Variants in MAPKAPK5 observed in about 807,000 individuals in gnomAD.
The protein encoded by MAPKAPK5 is MAP kinase-activated protein kinase 5.
A neutral mutation model predicts 65.1 loss-of-function variants in MAPKAPK5; 30 were observed. The ratio of observed to expected loss-of-function variants is 0.46; its 90% confidence interval spans 0.34 to 0.63. The LOEUF is 0.63. MAPKAPK5 is among the 20% of genes least tolerant of loss of function. The probability of loss-of-function intolerance (pLI) is 0.01; values close to 1 mark genes in which losing one functional copy is unlikely to be tolerated. For synonymous variants in MAPKAPK5, 179 were observed against 204.6 expected (o/e 0.87, Z 1.07); for missense variants, 433 against 581.4 (o/e 0.74, Z 2.63).
Position 111,888,598 on chromosome 12 carries a change from G to A in MAPKAPK5, c.1080G>A (p.Leu360=), listed in dbSNP as rs2070492787. The A allele has an allele frequency of 1.2e-6, 2 of 1,613,308 alleles. No individual in the cohort carries two copies. The highest frequency in any genetic ancestry group is 1.3e-5 in the African/African-American group (1 of 75,012). The change falls in exon 11 of 14, where the codon CTG becomes CTA. Residue 360 remains leucine, a synonymous_variant. Transcript: ENST00000550735. ...TGCACTCAGTGAACAACCCCATTCTGCGGAAGAGGAAGTTACTTGGGTAAC... is the reference window on the plus strand; with the variant it reads ...TGCACTCAGTGAACAACCCCATTCTACGGAAGAGGAAGTTACTTGGGTAAC... ...KPLHSVNNPI[L]RKRKLLGTKP...
chr12:111,888,999 T>C lies in MAPKAPK5; in HGVS notation c.1215T>C (p.Ala405=). The C allele has an allele frequency of 6.4e-7, 1 of 1,572,144 alleles. No individual in the cohort carries two copies. Among genetic ancestry groups the C allele is most frequent in the Non-Finnish European group, 8.6e-7 (1 of 1,158,128 alleles). Residue 405 remains alanine, a splice_region_variant and synonymous_variant, in exon 12 of 14, where the codon GCT becomes GCC. Transcript: ENST00000550735. ...DVIAQCILPQ[A]GENEDEKLNE... ...TTGCTCAGTGTATTCTCCCCCAGGC[T>C]GGTAAAGGTCACACCATTTACTAAT...
intron 7 of MAPKAPK5, among the ~76,000 whole-genome samples, chr12:111,874,737 A>G (rs1016972365): frequency 6.8e-5 from 10 of 147,458 alleles, no homozygotes; most frequent in African/African-American, 2.5e-4. Context: ...TGTTGGGATT[A>G]CAGGTGTGAG....
At chr12:111,846,064 C>T (rs1252794032) in intron 1 of MAPKAPK5, among the ~76,000 whole-genome samples, 2 of 152,168 alleles carry the variant, frequency 1.3e-5, no homozygotes, top group East Asian at 3.8e-4. Context: ...TTTCTTCACT[C>T]AGAAGTACTC....
At chr12:111,864,707 T>C (rs2069547417) in intron 1 of MAPKAPK5, among the ~76,000 whole-genome samples, 2 of 152,214 alleles carry the variant, frequency 1.3e-5, no homozygotes, top group African/African-American at 2.4e-5. Context: ...AATATATCTG[T>C]ACACAAAATG....
chr12:111,873,496 ACCATGTC>A (rs2069853327), intron 7 of MAPKAPK5, among the ~76,000 whole-genome samples: 1 of 152,078 alleles, frequency 6.6e-6, no homozygotes, highest in Admixed American at 6.6e-5. Context: ...GGAGCCCGCC[ACCATGTC>A]CGGCTAATTT....
In MAPKAPK5 at chr12:111,899,042, T is replaced by C. The variant is rs1471356199; in HGVS notation, c.*5981T>C. 4.6e-5 allele frequency: 7 copies of C among 152,226 alleles called. No individual in the cohort carries two copies. The highest frequency in any genetic ancestry group is 1.7e-4 in the African/African-American group (7 of 41,438). The allele number at this position is 152,226 out of a possible 1,614,324, so 9.4% of individuals were successfully genotyped here. ...TAAGGAAGATTAAAGTTGTTGCTGT[T>C]GGAAGGAAGACATACTAAAGAAACT... is the stretch of plus-strand genomic sequence containing the variant. On this transcript the variant is annotated 3_prime_UTR_variant, in exon 14 of 14. Transcript: ENST00000550735.
intron 7 of MAPKAPK5, among the ~76,000 whole-genome samples, chr12:111,875,577 G>C (rs902021003): frequency 6.6e-6 from 1 of 151,952 alleles, no homozygotes. Flanking sequence ...GGACCGAGAG[G>C]TATCTGTTTC....
At chr12:111,876,859 C>T (rs1425391193) in intron 7 of MAPKAPK5, among the ~76,000 whole-genome samples, 1 of 151,746 alleles carries the variant, frequency 6.6e-6, no homozygotes, top group Non-Finnish European at 1.5e-5. Context: ...TTTTAGGAAG[C>T]TTCCCACTGT....
chr12:111,869,206 T>C (rs2069702907), intron 5 of MAPKAPK5, among the ~76,000 whole-genome samples: 1 of 152,190 alleles, frequency 6.6e-6, no homozygotes, highest in Admixed American at 6.6e-5. Context: ...AAAATGCTGC[T>C]GATACCACCT....
intron 1 of MAPKAPK5, among the ~76,000 whole-genome samples, chr12:111,846,876 C>A (rs940958954): frequency 2.0e-5 from 3 of 152,112 alleles, no homozygotes; most frequent in African/African-American, 4.8e-5. Context: ...TGAATCATCC[C>A]AGCATGTTCA....
At chr12:111,852,581 G>A (rs926877489) in intron 1 of MAPKAPK5, among the ~76,000 whole-genome samples, 1 of 152,182 alleles carries the variant, frequency 6.6e-6, no homozygotes, top group Non-Finnish European at 1.5e-5. Context: ...TTTTGGGGGA[G>A]TCAGAAGTTA....
chr12:111,872,247 T>C (rs759834393), intron 7 of MAPKAPK5, among the ~76,000 whole-genome samples: 12 of 152,194 alleles, frequency 7.9e-5, no homozygotes, highest in Non-Finnish European at 1.8e-4. Context: ...GTTCCAGTCA[T>C]TTCACATTTT....
intron 1 of MAPKAPK5, among the ~76,000 whole-genome samples, chr12:111,849,154 C>A (rs1211712328): frequency 6.6e-6 from 1 of 151,788 alleles, no homozygotes; most frequent in Non-Finnish European, 1.5e-5. Flanking sequence ...CAATGTTGCC[C>A]AGGCTGGTCT....
chr12:111,883,691 G>T lies in MAPKAPK5; in HGVS notation c.771G>T (p.Lys257Asn). The change falls in exon 9 of 14, where the codon AAG (lysine) becomes AAT (asparagine). Residue 257 changes from lysine to asparagine, a missense_variant. Physicochemically the swap from Lys to Asn is moderately conservative, Grantham distance 94 (BLOSUM62 0). Coordinates refer to ENST00000550735, the MANE Select transcript of MAPKAPK5 (RefSeq NM_003668.4). This position sits in a 1 kb window ranked among gnomAD's most constrained non-coding sequence, Gnocchi z 4.8. ...SRTIPKDMRR[K>N]IMTGSFEFPE... ...CTATCCCAAAGGATATGCGAAGAAA[G>T]ATCATGACAGGCAGTTTTGAGTTCC... is the stretch of plus-strand genomic sequence containing the variant. 2 of 1,614,008 alleles carry T rather than the reference G, an allele frequency of 1.2e-6. No homozygotes were observed. The highest frequency in any genetic ancestry group is 1.7e-6 in the Non-Finnish European group (2 of 1,179,884).
Position 111,883,553 on chromosome 12 carries a change from G to GA in MAPKAPK5, c.661-27dup. On this transcript the variant is annotated intron_variant, in intron 8 of 13. Transcript: ENST00000550735. This position sits in a 1 kb window ranked among gnomAD's most constrained non-coding sequence, Gnocchi z 4.8. ...TATTTGGGGGCTCTGCTTCTGCTGTGAGTGACCATTTTCTTTTTTGCTTTC... is the reference window on the plus strand; with the variant it reads ...TATTTGGGGGCTCTGCTTCTGCTGTGAAGTGACCATTTTCTTTTTTGCTTTC... The GA allele has an allele frequency of 6.2e-7, 1 of 1,605,958 alleles. No homozygotes were observed. Among genetic ancestry groups the GA allele is most frequent in the Non-Finnish European group, 8.5e-7 (1 of 1,175,158 alleles).
chr12:111,874,923 C>A (rs945407188), intron 7 of MAPKAPK5, among the ~76,000 whole-genome samples: 18 of 151,874 alleles, frequency 1.2e-4, no homozygotes, highest in African/African-American at 4.4e-4. Flanking sequence ...TACAGGCGCC[C>A]GCCACCACGC....
At chr12:111,847,344 C>CGCAA (rs1566219207) in intron 1 of MAPKAPK5, among the ~76,000 whole-genome samples, 1 of 103,334 alleles carries the variant, frequency 9.7e-6, no homozygotes, top group African/African-American at 3.4e-5. Context: ...TGAGACTCTG[C>CGCAA]AAAAAAAAAA....
chr12:111,893,815 C>G lies in MAPKAPK5; in HGVS notation c.*754C>G, dbSNP rs1421666592. On this transcript the variant is annotated 3_prime_UTR_variant, in exon 14 of 14. Transcript: ENST00000550735. Reference sequence around the variant, plus strand: ...ACTGCAACCTCCGCCTCCCAGGTTCCAGTGATCCTCCCACATCAGCCTCCC... The same window carrying G: ...ACTGCAACCTCCGCCTCCCAGGTTCGAGTGATCCTCCCACATCAGCCTCCC... The G allele has an allele frequency of 6.6e-6, 1 of 150,810 alleles. No homozygotes were observed. Among genetic ancestry groups the G allele is most frequent in the African/African-American group, 2.4e-5 (1 of 40,856 alleles). 9.3% of individuals were successfully genotyped at this position (150,810 alleles called of 1,614,324 possible). A position where few individuals can be genotyped will look rare whatever the true frequency, so the allele number is the denominator to read the frequency against.
At chr12:111,867,317 A>T (rs2069646706) in intron 3 of MAPKAPK5, among the ~76,000 whole-genome samples, 1 of 152,212 alleles carries the variant, frequency 6.6e-6, no homozygotes, top group South Asian at 2.1e-4. Context: ...AAATGCAAAT[A>T]ATTTCTAAAA....
Sources: gnomAD v4.1 joint callset for allele counts (sites outside exome capture counted in the v4.1 genomes callset) on GRCh38, gnomAD v4.1.1 for gene constraint, Gnocchi (gnomAD v3.1) non-coding constraint, MANE v1.5 for transcripts, NCBI Gene and HGNC (gene_info 2026-07-23, HGNC 2026-07-21) for gene names.